DOCK5: variants seen among roughly 807,000 people sequenced by gnomAD.
DOCK5 encodes dedicator of cytokinesis 5, also known as dedicator of cytokinesis protein 5.
Under a neutral mutation model 251.8 loss-of-function variants are expected in DOCK5, and 142 were observed. That is an observed-to-expected ratio of 0.56 (90% CI 0.49 to 0.65). The LOEUF is 0.65. Among genes scored for constraint, DOCK5 ranks in the 30% least tolerant of loss-of-function variants. DOCK5 has a pLI of 0.00. For missense variants in DOCK5, 2,111 were observed against 2,312.3 expected (o/e 0.91, Z 1.79); for synonymous variants, 842 against 835.5 (o/e 1.01, Z -0.13).
At chr8:25,399,831 G>A in intron 45 of DOCK5, 80 bp from the exon 46 acceptor site, 3 of 1,064,144 alleles carry the variant, frequency 2.8e-6, no homozygotes, top group East Asian at 2.6e-5. Context: ...TTCCGCACAG[G>A]ACACATGTTT....
At chr8:25,208,300 A>C (rs10095623) in intron 1 of DOCK5, among the ~76,000 whole-genome samples, 152,305 of 152,318 alleles carry the variant, frequency 1, 76,146 homozygotes, top group Middle Eastern at 1. Context: ...AAAGCAGTGG[A>C]AAGGTTTGAG....
At chr8:25,368,764 A>G (rs1800822499) in intron 33 of DOCK5, 39 bp downstream of exon 33, 1 of 1,581,124 alleles carries the variant, frequency 6.3e-7, no homozygotes, top group Non-Finnish European at 8.6e-7. Context: ...GTAAATGGAC[A>G]TATAGTCAAA....
intron 2 of DOCK5, among the ~76,000 whole-genome samples, chr8:25,262,335 G>A (rs967142083): frequency 2.6e-5 from 4 of 152,030 alleles, no homozygotes; most frequent in African/African-American, 9.7e-5. Context: ...CAATTCTGCA[G>A]GTTTTGACAA....
chr8:25,278,495 G>C, intron 4 of DOCK5, 74 bp from the exon 5 acceptor site: 1 of 1,436,044 alleles, frequency 7.0e-7, no homozygotes, highest in East Asian at 2.3e-5. Context: ...TGAACGTTGG[G>C]AAGTCTGATC....
At chr8:25,242,450 TC>T (rs1476912698) in intron 1 of DOCK5, among the ~76,000 whole-genome samples, 7 of 152,204 alleles carry the variant, frequency 4.6e-5, no homozygotes, top group African/African-American at 1.4e-4. Flanking sequence ...GCGGGAGAGT[TC>T]TAGTTTCTCC....
intron 1 of DOCK5, among the ~76,000 whole-genome samples, chr8:25,232,205 TG>T: frequency 6.6e-6 from 1 of 152,362 alleles, no homozygotes; most frequent in African/African-American, 2.4e-5. Flanking sequence ...TCTTCTTCTT[TG>T]GCTACTTGGT....
At chr8:25,252,500 A>G (rs775187212) in intron 2 of DOCK5, among the ~76,000 whole-genome samples, 29 of 152,236 alleles carry the variant, frequency 1.9e-4, no homozygotes, top group Non-Finnish European at 7.3e-5. Context: ...AACAGCTTGG[A>G]TTTTATGACG....
At chr8:25,312,890 G>A (rs746742257) in intron 13 of DOCK5, among the ~76,000 whole-genome samples, 32 of 151,904 alleles carry the variant, frequency 2.1e-4, no homozygotes, top group Non-Finnish European at 4.0e-4. Context: ...AGATCATGCC[G>A]CTGCACTCCA....
At chr8:25,327,361 CA>C (rs1185039187) in intron 18 of DOCK5, among the ~76,000 whole-genome samples, 2 of 152,044 alleles carry the variant, frequency 1.3e-5, no homozygotes, top group African/African-American at 4.8e-5. Context: ...CTATATAAAG[CA>C]TTAATGTTCT....
Position 25,390,194 on chromosome 8 carries a change from C to G in DOCK5, c.4274-12C>G. Reference sequence around the variant, plus strand: ...ACCCCAGCCCCTCTCCTTTCCTTAACGAGCTCTTCAGACATGCAGTGCTTC... The same window carrying G: ...ACCCCAGCCCCTCTCCTTTCCTTAAGGAGCTCTTCAGACATGCAGTGCTTC... On this transcript the variant is annotated splice_polypyrimidine_tract_variant and intron_variant, in intron 41 of 51. Transcript: ENST00000276440. The G allele has an allele frequency of 6.3e-7, 1 of 1,574,928 alleles. No individual in the cohort carries two copies. The highest frequency in any genetic ancestry group is 1.2e-5 in the South Asian group (1 of 85,460).
At chr8:25,270,690 T>C (rs1231020479) in intron 3 of DOCK5, 13 of 479,706 alleles carry the variant, frequency 2.7e-5, no homozygotes, top group Non-Finnish European at 4.1e-5. Context: ...GTCTTCTTTT[T>C]CATAGACTAC....
intron 2 of DOCK5, among the ~76,000 whole-genome samples, chr8:25,263,476 T>C (rs991060648): frequency 1.4e-4 from 22 of 151,982 alleles, no homozygotes; most frequent in African/African-American, 4.9e-4. Flanking sequence ...TTTTCCCTTC[T>C]GGGGCTTATA....
At position 25,304,258 on chromosome 8, in the gene DOCK5, T is replaced by C; in HGVS notation, c.980T>C (p.Met327Thr). 1.9e-6 allele frequency: 3 copies of C among 1,601,322 alleles called. No individual in the cohort carries two copies. The highest frequency in any genetic ancestry group is 2.6e-6 in the Non-Finnish European group (3 of 1,175,036). Residue 327 changes from methionine to threonine, a missense_variant, in exon 11 of 52, where the codon ATG (methionine) becomes ACG (threonine). Met to Thr is a moderately conservative substitution (Grantham distance 81). Coordinates refer to ENST00000276440, the MANE Select transcript of DOCK5 (RefSeq NM_024940.8). ...GLRRPFGVAV[M>T]DITDIIHGKV... The stretch of plus-strand genomic sequence containing the variant: ...ATGAAGTTTATCTTTTTCCTAGTGA[T>C]GGATATTACTGATATCATACATGGG...
At chr8:25,257,088 G>A (rs1020224366) in intron 2 of DOCK5, among the ~76,000 whole-genome samples, 2 of 152,034 alleles carry the variant, frequency 1.3e-5, no homozygotes, top group African/African-American at 4.8e-5. Context: ...GAGAGGTTCT[G>A]TTCTTTTTGA....
At chr8:25,243,809 G>A (rs1389741896) in intron 2 of DOCK5, 52 bp downstream of exon 2, 2 of 1,559,848 alleles carry the variant, frequency 1.3e-6, no homozygotes, top group East Asian at 2.3e-5. Flanking sequence ...AACAGTGTAA[G>A]TTACTTATTA....
At chr8:25,375,770 C>T (rs1297887213) in intron 37 of DOCK5, 1 of 985,258 alleles carries the variant, frequency 1.0e-6, no homozygotes, top group Non-Finnish European at 1.2e-6. Flanking sequence ...AGGAAATTCA[C>T]AATTCATATT....
At chr8:25,333,405 TAAAG>T (rs1381110479) in intron 20 of DOCK5, among the ~76,000 whole-genome samples, 1 of 152,114 alleles carries the variant, frequency 6.6e-6, no homozygotes, top group Non-Finnish European at 1.5e-5. Context: ...AGGTTTAAGA[TAAAG>T]AAAGAAAAGG....
chr8:25,236,083 C>T (rs185327374), intron 1 of DOCK5, among the ~76,000 whole-genome samples: 10 of 152,244 alleles, frequency 6.6e-5, no homozygotes, highest in African/African-American at 2.4e-4. Flanking sequence ...CAGACATGAG[C>T]CACTGCACCT....
chr8:25,292,564 C>T (rs916412880), intron 6 of DOCK5, among the ~76,000 whole-genome samples: 2 of 152,188 alleles, frequency 1.3e-5, no homozygotes, highest in Admixed American at 1.3e-4. Flanking sequence ...GCCCAGACAA[C>T]ATAGCGAGGC....
Sources: allele counts gnomAD v4.1 joint callset (sites outside exome capture counted in the v4.1 genomes callset), GRCh38; gene constraint gnomAD v4.1.1; transcripts MANE v1.5; gene names NCBI Gene and HGNC (gene_info 2026-07-23, HGNC 2026-07-21).